NBPF19: variants seen among roughly 807,000 people sequenced by gnomAD.
NBPF19 encodes NBPF family member NBPF19.
A neutral mutation model predicts 45.9 loss-of-function variants in NBPF19; 30 were observed. The observed-to-expected ratio is 0.65, with a 90% CI of 0.49 to 0.89. The LOEUF is 0.89. Among genes scored for constraint, NBPF19 ranks in the 40% least tolerant of loss-of-function variants. NBPF19 has a pLI of 0.00. For synonymous variants in NBPF19, 183 were observed against 181.2 expected, an observed-to-expected ratio of 1.01 and a Z score of -0.08; for missense variants, 495 against 471.8, an observed-to-expected ratio of 1.05 and a Z score of -0.46.
rs2087204982 is a variant in NBPF19 at position 149,554,753 on chromosome 1, G to T, written c.*15G>T. 1.5e-5 allele frequency: 24 copies of T among 1,607,674 alleles called. 1 individual carries two copies. Among genetic ancestry groups the T allele is most frequent in the Non-Finnish European group, 1.9e-5 (22 of 1,176,352 alleles). ...TCCCACAATAGGCAGCCCTTACTAA[G>T]CCGAGAGATGTCATTCCTGCAGGCA... On this transcript the variant is annotated 3_prime_UTR_variant, in exon 94 of 94. Coordinates refer to ENST00000651566, the MANE Select transcript of NBPF19 (RefSeq NM_001351365.2).
At position 149,554,664 on chromosome 1, in the gene NBPF19, G is replaced by C. The variant is rs2087201440; in HGVS notation, c.11458G>C (p.Asp3820His). The C allele has an allele frequency of 3.7e-6, 6 of 1,608,244 alleles. 1 individual carries two copies. Among genetic ancestry groups the C allele is most frequent in the Admixed American group, 3.3e-5 (2 of 59,888 alleles). ...GCATATCAGCTTCGCCCTTTACTTG[G>C]ACAATAGGTTTTTTACTTTGACGGT... ...EEHISFALYL[D>H]NRFFTLTVTS... Residue 3820 changes from aspartate (D) to histidine (H), a missense_variant, in exon 94 of 94, where the codon GAC (aspartate) becomes CAC (histidine). Physicochemically the swap from Asp to His is moderately conservative, Grantham distance 81. Transcript: ENST00000651566.
Position 149,478,205 on chromosome 1 carries a change from GATA to G in NBPF19, c.278+166_278+168del, listed in dbSNP as rs1169887198. 3.6e-3 allele frequency among the ~76,000 whole-genome samples: 552 copies of G among 151,242 alleles called. 14 individuals are homozygous for G. The highest frequency in any genetic ancestry group is 5.9e-3 in the Non-Finnish European group (401 of 67,578). On this transcript the variant is annotated intron_variant, in intron 3 of 93. Coordinates refer to ENST00000651566, the MANE Select transcript of NBPF19 (RefSeq NM_001351365.2). ...ACACAAATATTTATCAGTGAACAAG[GATA>G]ATAATAAGTTCTGTGTTGCAGTTGT...
chr1:149,554,273 G>T (rs1376527982), intron 93 of NBPF19, among the ~76,000 whole-genome samples: 2 of 150,788 alleles, frequency 1.3e-5, no homozygotes, highest in African/African-American at 2.5e-5. Flanking sequence ...CTTTCTCTCT[G>T]TCTCTGTCTC....
Position 149,554,732 on chromosome 1 carries a change from A to G in NBPF19, c.11526A>G (p.Pro3842=), listed in dbSNP as rs1407010050. ...HLVFQMLVIF[P]Q is the part of the protein sequence containing the mutation. ...TGTTCCAGATGTTAGTCATATTCCCACAATAGGCAGCCCTTACTAAGCCGA... is the reference window on the plus strand; with the variant it reads ...TGTTCCAGATGTTAGTCATATTCCCGCAATAGGCAGCCCTTACTAAGCCGA... Residue 3842 remains proline (P), a synonymous_variant, in exon 94 of 94, where the codon CCA becomes CCG. Coordinates refer to ENST00000651566, the MANE Select transcript of NBPF19 (RefSeq NM_001351365.2). 1.7e-5 allele frequency: 27 copies of G among 1,608,010 alleles called. No homozygotes were observed. Among genetic ancestry groups the G allele is most frequent in the Non-Finnish European group, 2.1e-5 (25 of 1,176,642 alleles).
At chr1:149,519,445 C>CTGTGTGTGTG (rs374862187) in intron 49 of NBPF19, among the ~76,000 whole-genome samples, 3 of 10,690 alleles carry the variant, frequency 2.8e-4, no homozygotes, top group Admixed American at 3.1e-3. Context: ...CTCTCTCTCT[C>CTGTGTGTGTG]TGTGTGTGTG....
chr1:149,484,532 T>A (rs2085400106), intron 7 of NBPF19, among the ~76,000 whole-genome samples: 1 of 143,982 alleles, frequency 6.9e-6, no homozygotes, highest in Admixed American at 7.1e-5. Context: ...ACACAAAAAA[T>A]AATAAAGGAA....
chr1:149,478,464 C>A (rs1407786952), intron 3 of NBPF19, among the ~76,000 whole-genome samples: 1 of 151,262 alleles, frequency 6.6e-6, no homozygotes, highest in Non-Finnish European at 1.5e-5. Context: ...TTCTTTTCTT[C>A]TTTCATCTTT....
At position 149,514,946 on chromosome 1, in the gene NBPF19, G is replaced by T. The variant is rs2086376637; in HGVS notation, c.5161G>T (p.Glu1721Ter). 3.5e-6 allele frequency: 2 copies of T among 572,870 alleles called. 1 individual carries two copies. Among genetic ancestry groups the T allele is most frequent in the South Asian group, 3.4e-5 (2 of 59,304 alleles). 35.5% of individuals were successfully genotyped at this position (572,870 alleles called of 1,614,324 possible). ...TTCCTCCTTTTCCAGGCTCAGCAGG[G>T]AGCTGCTGGAGGTAGTAGAGCCTGA... ...QDPPCPRLSR[E>*]LLEVVEPEVL... Residue 1721 changes from glutamate (E) to a stop codon, truncating the protein, a stop_gained, in exon 44 of 94, where the codon GAG (glutamate) becomes TAG (stop). Transcript: ENST00000651566. LOFTEE classifies it high-confidence loss of function.
rs1428462257 is a variant in NBPF19 at position 149,486,394 on chromosome 1, T to A, written c.988+101T>A. On this transcript the variant is annotated intron_variant, in intron 8 of 93. Transcript: ENST00000651566. ...CCCCTTGTTGGGCTGAGATTTGCCA[T>A]CACCGTGGGCTGAACCTATATATCA... 1.7e-4 allele frequency: 114 copies of A among 663,230 alleles called. 2 individuals carry two copies. In the African/African-American group the frequency reaches 2.0e-3, roughly 11 times the overall value. The allele number at this position is 663,230 out of a possible 1,614,324, so 41.1% of individuals were successfully genotyped here. A position where few individuals can be genotyped will look rare whatever the true frequency, so the allele number is the denominator to read the frequency against.
intron 2 of NBPF19, among the ~76,000 whole-genome samples, chr1:149,477,182 C>T (rs2084889405): frequency 6.7e-6 from 1 of 149,888 alleles, no homozygotes; most frequent in Admixed American, 6.7e-5. Context: ...GAGGGTACTA[C>T]AATAATACCT....
intron 4 of NBPF19, among the ~76,000 whole-genome samples, chr1:149,479,800 C>T (rs1274229823): frequency 1.7e-4 from 26 of 150,908 alleles, no homozygotes; most frequent in African/African-American, 4.9e-4. Context: ...AAATGCAAAC[C>T]GTGACAGGAC....
In NBPF19 at chr1:149,528,963, G is replaced by A. The variant is rs1382500063; in HGVS notation, c.7347-211G>A. 9.0e-5 allele frequency among the ~76,000 whole-genome samples: 12 copies of A among 133,020 alleles called. 1 individual carries two copies. The highest frequency in any genetic ancestry group is 1.1e-4 in the Non-Finnish European group (7 of 62,640). 87.3% of individuals were successfully genotyped at this position (133,020 alleles called of 152,430 possible). ...TCTCTCTCTGTGTGTGTGTGTGTGT[G>A]TGTGTGTGTGTGTCTATCTGTCTTT... On this transcript the variant is annotated intron_variant, in intron 61 of 93. Coordinates refer to ENST00000651566, the MANE Select transcript of NBPF19 (RefSeq NM_001351365.2).
rs2085491133 is a variant in NBPF19 at position 149,486,276 on chromosome 1, T to A, written c.971T>A (p.Met324Lys). Residue 324 changes from methionine (M) to lysine (K), a missense_variant, in exon 8 of 94, where the codon ATG becomes AAG. Physicochemically the swap from Met to Lys is moderately conservative, Grantham distance 95. Coordinates refer to ENST00000651566, the MANE Select transcript of NBPF19 (RefSeq NM_001351365.2). Reference protein sequence around the residue: ...FHSLEEQQVCMAVDIGRHRWD... With the variant: ...FHSLEEQQVCKAVDIGRHRWD... ...TCATTAGAGGAACAGCAAGTCTGCA[T>A]GGCTGTTGACATAGGCAGTGAGTAC... is the stretch of plus-strand genomic sequence containing the variant. 1 of 579,376 alleles carries A rather than the reference T, an allele frequency of 1.7e-6. No homozygotes were observed. Among genetic ancestry groups the A allele is most frequent in the South Asian group, 1.9e-5 (1 of 52,426 alleles). 35.9% of individuals were successfully genotyped at this position (579,376 alleles called of 1,614,324 possible). A position where few individuals can be genotyped will look rare whatever the true frequency, so the allele number is the denominator to read the frequency against.
chr1:149,554,897 G>T lies in NBPF19; in HGVS notation c.*159G>T, dbSNP rs1331734051. ...TCTCAAACCATGCCAGTGGCAACCT[G>T]TGCTCAGTCTGAAGACAATGGACCC... On this transcript the variant is annotated 3_prime_UTR_variant, in exon 94 of 94. Transcript: ENST00000651566. 1.6e-5 allele frequency: 22 copies of T among 1,370,654 alleles called. No homozygotes were observed. Among genetic ancestry groups the T allele is most frequent in the Admixed American group, 4.2e-5 (2 of 47,696 alleles). 84.9% of individuals were successfully genotyped at this position (1,370,654 alleles called of 1,614,324 possible). A position where few individuals can be genotyped will look rare whatever the true frequency, so the allele number is the denominator to read the frequency against.
chr1:149,554,609 C>T lies in NBPF19; in HGVS notation c.11403C>T (p.Tyr3801=), dbSNP rs1228831819. 3.1e-6 allele frequency: 5 copies of T among 1,608,216 alleles called. No individual in the cohort carries two copies. The highest frequency in any genetic ancestry group is 2.2e-5 in the East Asian group (1 of 44,864). ...YFELPDSFQH[Y]RSVFYSFEEE... is the part of the protein sequence containing the mutation. ...AACTACCTGACTCATTCCAGCACTA[C>T]AGAAGTGTGTTTTACTCATTTGAGG... The change falls in exon 94 of 94, where the codon TAC becomes TAT. Residue 3801 remains tyrosine, a synonymous_variant. Transcript: ENST00000651566.
At chr1:149,554,324 C>G (rs1486002042) in intron 93 of NBPF19, among the ~76,000 whole-genome samples, 171 bp from the exon 94 acceptor site, 2 of 151,952 alleles carry the variant, frequency 1.3e-5, no homozygotes, top group African/African-American at 4.8e-5. Context: ...TGTTTTCTAC[C>G]TGGCCCTGTT....
intron 7 of NBPF19, among the ~76,000 whole-genome samples, chr1:149,483,516 T>C (rs1271986405): frequency 4.2e-5 from 6 of 142,460 alleles, no homozygotes; most frequent in Admixed American, 7.1e-5. Flanking sequence ...AACTGGGGCA[T>C]TTAGCCCATT....
intron 10 of NBPF19, among the ~76,000 whole-genome samples, chr1:149,488,455 T>G (rs1456532289): frequency 1.5e-5 from 2 of 134,190 alleles, no homozygotes; most frequent in African/African-American, 5.6e-5. Flanking sequence ...ATGTGACAAA[T>G]TCACACAACT....
chr1:149,493,757 G>C, intron 17 of NBPF19, 46 bp downstream of exon 17: 1 of 171,124 alleles, frequency 5.8e-6, no homozygotes, highest in Non-Finnish European at 1.0e-5. Flanking sequence ...TTGACACCTG[G>C]AGATGCCAGG....
Sources: allele counts gnomAD v4.1 joint callset (sites outside exome capture counted in the v4.1 genomes callset), GRCh38; gene constraint gnomAD v4.1.1; transcripts MANE v1.5; gene names NCBI Gene and HGNC (gene_info 2026-07-23, HGNC 2026-07-21).